The following GLIS3 variants were observed in gnomAD, a reference collection of about 807,000 sequenced individuals.
GLIS3 encodes GLIS family zinc finger 3.
GLIS3 carries 53 observed loss-of-function variants against 78.6 expected under a neutral mutation model. The ratio of observed to expected loss-of-function variants is 0.67; its 90% CI spans 0.54 to 0.85. The LOEUF is 0.85. GLIS3 is among the 40% of genes least tolerant of loss of function. The probability of loss-of-function intolerance (pLI) is 0.00; values close to 1 mark genes in which losing one functional copy is unlikely to be tolerated. For synonymous variants in GLIS3, 684 were observed against 509.9 expected (o/e 1.34, Z -4.60); for missense variants, 1,703 against 1,231.1 (o/e 1.38, Z -5.74).
At chr9:3,991,359 G>C (rs16920300) in intron 4 of GLIS3, among the ~76,000 whole-genome samples, 5,032 of 152,176 alleles carry the variant, frequency 0.033, 286 homozygotes, top group African/African-American at 0.11. Flanking sequence ...GTTCACAGCA[G>C]ATGTCACTGG....
chr9:4,441,279 A>G, the GLIS3 span, among the ~76,000 whole-genome samples: 11 of 152,194 alleles, frequency 7.2e-5, no homozygotes, highest in Admixed American at 1.3e-4. Context: ...ATATGATGTT[A>G]GTTGTGGGTC....
At chr9:4,249,240 C>T (rs1269581345) in intron 2 of GLIS3, among the ~76,000 whole-genome samples, 5 of 152,280 alleles carry the variant, frequency 3.3e-5, no homozygotes, top group Admixed American at 1.3e-4. Flanking sequence ...GATATTGATT[C>T]TTCCTATCCA....
At chr9:4,100,844 C>A (rs148344608) in intron 4 of GLIS3, among the ~76,000 whole-genome samples, 379 of 152,232 alleles carry the variant, frequency 2.5e-3, no homozygotes, top group African/African-American at 8.5e-3. Context: ...AAACTGCCCC[C>A]ATAGATGGAA....
chr9:4,347,662 C>T (rs760965469), intron 1 of GLIS3, among the ~76,000 whole-genome samples: 18 of 152,142 alleles, frequency 1.2e-4, no homozygotes, highest in African/African-American at 4.3e-4. Context: ...CCAGAGTGAA[C>T]TAAAATCAGG....
At chr9:4,341,974 G>A (rs780906134) in intron 2 of GLIS3, among the ~76,000 whole-genome samples, 1 of 152,164 alleles carries the variant, frequency 6.6e-6, no homozygotes, top group African/African-American at 2.4e-5. Flanking sequence ...ATTTGCTTAA[G>A]TTCCTTGTGG....
intron 2 of GLIS3, among the ~76,000 whole-genome samples, chr9:4,324,144 ACT>A (rs2130552619): frequency 6.6e-6 from 1 of 152,162 alleles, no homozygotes; most frequent in East Asian, 1.9e-4. Flanking sequence ...GAAAAGCTGC[ACT>A]CTGTGTTCCC....
At chr9:4,330,634 T>C (rs1382669829) in intron 2 of GLIS3, among the ~76,000 whole-genome samples, 2 of 140,614 alleles carry the variant, frequency 1.4e-5, no homozygotes, top group South Asian at 2.3e-4. Flanking sequence ...TGGATGGAGA[T>C]GAGGAGAGGT....
At chr9:4,027,883 C>A (rs77494969) in intron 4 of GLIS3, among the ~76,000 whole-genome samples, 89 of 152,292 alleles carry the variant, frequency 5.8e-4, no homozygotes, top group Non-Finnish European at 1.1e-3. Context: ...CTGTCAGTGG[C>A]TCTTAAACCC....
intron 2 of GLIS3, among the ~76,000 whole-genome samples, chr9:4,164,723 T>C (rs927733478): frequency 6.6e-6 from 1 of 152,032 alleles, no homozygotes. Flanking sequence ...ACAAACAATA[T>C]TGGAAAGCAA....
intron 4 of GLIS3, among the ~76,000 whole-genome samples, chr9:3,992,997 A>G (rs575728421): frequency 6.6e-6 from 1 of 152,326 alleles, no homozygotes; most frequent in African/African-American, 2.4e-5. Flanking sequence ...GGCTCTCAGT[A>G]AGGCCGGCTG....
rs139391232 is a variant in GLIS3, at chr9:4,224,658, C to T, written c.388+61380G>A. Among the ~76,000 whole-genome samples, 133 of 152,184 alleles carry T rather than the reference C, an allele frequency of 8.7e-4. 1 individual carries two copies. Among genetic ancestry groups the T allele is most frequent in the African/African-American group, 3.1e-3 (128 of 41,528 alleles). On this transcript the variant is annotated intron_variant, in intron 2 of 10. Transcript: ENST00000381971. ...GACGCATTTTGAGTCCTAACTTCAC[C>T]CTTTGTTACATCCCACTTTCCCTTC...
intron 4 of GLIS3, among the ~76,000 whole-genome samples, chr9:4,077,453 A>G (rs1483410408): frequency 6.6e-6 from 1 of 152,174 alleles, no homozygotes; most frequent in East Asian, 1.9e-4. Flanking sequence ...AGAAAATAAA[A>G]CTTAGAAAGG....
At chr9:4,301,184 C>A (rs1464521813), upstream of GLIS3, among the ~76,000 whole-genome samples, 1 of 152,154 alleles carries the variant, frequency 6.6e-6, no homozygotes, top group Non-Finnish European at 1.5e-5. Flanking sequence ...TTCCACAGTA[C>A]TTTTTCTTTT....
At chr9:3,869,030 C>T (rs936468299) in intron 8 of GLIS3, among the ~76,000 whole-genome samples, 1 of 152,124 alleles carries the variant, frequency 6.6e-6, no homozygotes, top group South Asian at 2.1e-4. Flanking sequence ...TGGTGTCTTC[C>T]GTTAGACTGG....
At chr9:4,472,801 T>TA in the GLIS3 span, among the ~76,000 whole-genome samples, 1 of 152,078 alleles carries the variant, frequency 6.6e-6, no homozygotes, top group Non-Finnish European at 1.5e-5. Flanking sequence ...TAACACGTTT[T>TA]ATATATATAT....
chr9:4,354,677 A>T, the GLIS3 span, among the ~76,000 whole-genome samples: 1 of 152,146 alleles, frequency 6.6e-6, no homozygotes, highest in Non-Finnish European at 1.5e-5. Context: ...GGATCAGGAG[A>T]ATAACCCCAT....
chr9:3,924,055 A>G (rs1406879578), intron 6 of GLIS3, among the ~76,000 whole-genome samples: 1 of 152,166 alleles, frequency 6.6e-6, no homozygotes, highest in Non-Finnish European at 1.5e-5. Flanking sequence ...CAAGTCAATA[A>G]CCCCTGAATA....
intron 2 of GLIS3, among the ~76,000 whole-genome samples, chr9:4,128,435 C>G (rs930180584): frequency 2.0e-5 from 3 of 152,200 alleles, no homozygotes; most frequent in African/African-American, 4.8e-5. Flanking sequence ...TTCCTTAGCA[C>G]CTAACCTAGG....
intron 4 of GLIS3, among the ~76,000 whole-genome samples, chr9:4,099,388 T>A (rs1248899410): frequency 6.6e-6 from 1 of 152,186 alleles, no homozygotes; most frequent in Non-Finnish European, 1.5e-5. Flanking sequence ...GTCACTCCAA[T>A]CCTTGCCTTC....
Sources: gnomAD v4.1 joint callset for allele counts (sites outside exome capture counted in the v4.1 genomes callset) on GRCh38, gnomAD v4.1.1 for gene constraint, MANE v1.5 for transcripts, NCBI Gene and HGNC (gene_info 2026-07-23, HGNC 2026-07-21) for gene names.